Variants in FHOD3 observed in about 807,000 individuals in gnomAD.
The protein encoded by FHOD3 is FH1/FH2 domain-containing protein 3.
Under a neutral mutation model 173.0 loss-of-function variants are expected in FHOD3, and 90 were observed. The observed-to-expected ratio is 0.52, with a 90% CI of 0.44 to 0.62. FHOD3 has a LOEUF of 0.62. Ranked by LOEUF, FHOD3 falls within the 20% of genes least tolerant of loss-of-function variation. The probability of loss-of-function intolerance (pLI) is 0.00; values close to 1 mark genes in which losing one functional copy is unlikely to be tolerated. For synonymous variants in FHOD3, 828 were observed against 823.0 expected (o/e 1.01, Z -0.10); for missense variants, 1,945 against 2,034.7 (o/e 0.96, Z 0.85).
At chr18:36,503,826 G>T (rs1341094830) in intron 4 of FHOD3, among the ~76,000 whole-genome samples, 1 of 152,172 alleles carries the variant, frequency 6.6e-6, no homozygotes, top group African/African-American at 2.4e-5. Context: ...GGCCTCTGCT[G>T]CCCACCTCTC....
intron 27 of FHOD3, 66 bp from the exon 28 acceptor site, chr18:36,769,199 C>T: frequency 6.4e-7 from 1 of 1,560,652 alleles, no homozygotes; most frequent in East Asian, 2.2e-5. Context: ...TGGAGGAATA[C>T]TGCTGCATAT....
chr18:36,359,823 G>A (rs1338684894), intron 2 of FHOD3, among the ~76,000 whole-genome samples: 3 of 152,090 alleles, frequency 2.0e-5, no homozygotes, highest in South Asian at 2.1e-4. Flanking sequence ...GGGTTGTTTC[G>A]AAGTAAAATA....
rs180842323 is a variant in FHOD3, at chr18:36,570,022, C to T, written c.512-6429C>T. On this transcript the variant is annotated intron_variant, in intron 5 of 28. Transcript: ENST00000590592. ...CTAGAGTAAGAAAAGTAAAATAAAA[C>T]CAAATAAGTAGAAGGAAGAAAATAA... Among the ~76,000 whole-genome samples the T allele has an allele frequency of 2.6e-5, 4 of 151,230 alleles. No individual in the cohort carries two copies. The East Asian group carries it at 7.8e-4, about 29-fold the overall frequency.
At chr18:36,695,208 C>T (rs894898370) in intron 17 of FHOD3, among the ~76,000 whole-genome samples, 15 of 151,728 alleles carry the variant, frequency 9.9e-5, no homozygotes, top group Admixed American at 5.9e-4. Context: ...AAAAATTAGC[C>T]GGGCGTGGTG....
chr18:36,441,812 G>A (rs530451579), intron 3 of FHOD3, among the ~76,000 whole-genome samples: 4 of 152,128 alleles, frequency 2.6e-5, no homozygotes, highest in Admixed American at 6.5e-5. Context: ...TCATGGAATC[G>A]TGGACTCACT....
chr18:36,641,683 C>T (rs989073139), intron 10 of FHOD3, among the ~76,000 whole-genome samples: 7 of 152,086 alleles, frequency 4.6e-5, no homozygotes, highest in Non-Finnish European at 4.4e-5. Flanking sequence ...AAGCAGGGCA[C>T]GGTGGCTCAT....
At position 36,573,150 on chromosome 18, in the gene FHOD3, C is replaced by CTTT. The variant is rs60486589; in HGVS notation, c.512-3289_512-3287dup. 5.9e-3 allele frequency among the ~76,000 whole-genome samples: 828 copies of CTTT among 140,716 alleles called. 9 individuals are homozygous for CTTT. Among genetic ancestry groups the CTTT allele is most frequent in the African/African-American group, 0.02 (779 of 38,588 alleles). 92.3% of individuals were successfully genotyped at this position (140,716 alleles called of 152,430 possible). A position where few individuals can be genotyped will look rare whatever the true frequency, so the allele number is the denominator to read the frequency against. On this transcript the variant is annotated intron_variant, in intron 5 of 28. Transcript: ENST00000590592. ...CACATTATTCAGTCTTATTTTTGTT[C>CTTT]TTTTTTTTTTTTTTAACATATTTTA...
At chr18:36,300,635 C>A (rs1239135377) in intron 1 of FHOD3, among the ~76,000 whole-genome samples, 2 of 152,168 alleles carry the variant, frequency 1.3e-5, no homozygotes, top group African/African-American at 4.8e-5. Context: ...AGCGCATTCT[C>A]AGTGGTACAA....
At chr18:36,768,886 T>C (rs1220864971) in intron 27 of FHOD3, among the ~76,000 whole-genome samples, 1 of 152,148 alleles carries the variant, frequency 6.6e-6, no homozygotes, top group Non-Finnish European at 1.5e-5. Flanking sequence ...TATTGATGGC[T>C]GTGTAGCAGG....
chr18:36,509,081 T>C (rs903193750), intron 4 of FHOD3, among the ~76,000 whole-genome samples: 1 of 152,146 alleles, frequency 6.6e-6, no homozygotes, highest in East Asian at 1.9e-4. Context: ...ACCACAGGGG[T>C]GTAACCAACA....
intron 1 of FHOD3, among the ~76,000 whole-genome samples, chr18:36,354,777 G>A (rs1472127633): frequency 6.6e-6 from 1 of 151,844 alleles, no homozygotes; most frequent in Non-Finnish European, 1.5e-5. Context: ...CTGCACTCTA[G>A]CCTGGGTGAC....
At chr18:36,318,532 ATTG>A (rs1163064430) in intron 1 of FHOD3, among the ~76,000 whole-genome samples, 2 of 151,974 alleles carry the variant, frequency 1.3e-5, no homozygotes, top group African/African-American at 4.8e-5. Context: ...CTGTTTGTCT[ATTG>A]TTGGTGTATA....
intron 10 of FHOD3, among the ~76,000 whole-genome samples, chr18:36,631,108 C>T (rs1248224863): frequency 6.6e-6 from 1 of 152,196 alleles, no homozygotes; most frequent in Non-Finnish European, 1.5e-5. Flanking sequence ...GGAGAGCCCA[C>T]TTGAGCTGCA....
At chr18:36,716,914 A>ATGTG (rs57041859) in intron 18 of FHOD3, among the ~76,000 whole-genome samples, 6,946 of 136,840 alleles carry the variant, frequency 0.051, 219 homozygotes, top group African/African-American at 0.094. Context: ...ATATATGTGT[A>ATGTG]TGTGTGTGTG....
intron 14 of FHOD3, among the ~76,000 whole-genome samples, chr18:36,674,762 C>T (rs765695654): frequency 8.5e-5 from 13 of 152,048 alleles, no homozygotes; most frequent in African/African-American, 1.7e-4. Flanking sequence ...GGGGCAGCTC[C>T]GAGACTTCAC....
chr18:36,467,501 G>T (rs764511520), intron 3 of FHOD3, among the ~76,000 whole-genome samples: 4 of 152,124 alleles, frequency 2.6e-5, no homozygotes, highest in Non-Finnish European at 5.9e-5. Flanking sequence ...AGAGGCAAGA[G>T]ATTGGTCTAG....
chr18:36,504,697 AC>A (rs967684427), intron 4 of FHOD3, among the ~76,000 whole-genome samples: 10 of 152,116 alleles, frequency 6.6e-5, no homozygotes, highest in Admixed American at 1.3e-4. Flanking sequence ...TACATATGTA[AC>A]TAACCTGCAC....
In FHOD3 at chr18:36,754,976, TTTATTATTATTATTATTA is replaced by T. The variant is rs142900451; in HGVS notation, c.4233-119_4233-102del. 22 of 168,274 alleles carry T rather than the reference TTTATTATTATTATTATTA, an allele frequency of 1.3e-4. 1 individual carries two copies. The highest frequency in any genetic ancestry group is 4.2e-4 in the South Asian group (2 of 4,804). 10.4% of individuals were successfully genotyped at this position (168,274 alleles called of 1,614,324 possible). A position where few individuals can be genotyped will look rare whatever the true frequency, so the allele number is the denominator to read the frequency against. On this transcript the variant is annotated intron_variant, in intron 24 of 28. Coordinates refer to ENST00000590592, the MANE Select transcript of FHOD3 (RefSeq NM_001281740.3). ...ACTGAGAGTGTGGCTTGTTGGTTTC[TTTATTATTATTATTATTA>T]TTATTATTATTATTATTATTATTTA...
intron 3 of FHOD3, among the ~76,000 whole-genome samples, chr18:36,465,227 C>CTG (rs2052839618): frequency 6.6e-6 from 1 of 152,132 alleles, no homozygotes; most frequent in South Asian, 2.1e-4. Flanking sequence ...ACTCAGGAGG[C>CTG]TGAGACAGGA....
Sources: gnomAD v4.1 joint callset for allele counts (sites outside exome capture counted in the v4.1 genomes callset) on GRCh38, gnomAD v4.1.1 for gene constraint, MANE v1.5 for transcripts, NCBI Gene and HGNC (gene_info 2026-07-23, HGNC 2026-07-21) for gene names.